Variants in STRA8 observed in about 807,000 individuals in gnomAD.
STRA8 encodes stimulated by retinoic acid gene 8 protein homolog.
A neutral mutation model predicts 37.1 loss-of-function variants in STRA8; 18 were observed. The ratio of observed to expected loss-of-function variants is 0.48; its 90% CI spans 0.34 to 0.72. The LOEUF is 0.72. Among genes scored for constraint, STRA8 ranks in the 30% least tolerant of loss-of-function variants. The pLI, the probability that STRA8 is intolerant of heterozygous loss-of-function variation, is 0.01. For synonymous variants in STRA8, 168 were observed against 162.9 expected, an observed-to-expected ratio of 1.03 and a Z score of -0.24; for missense variants, 357 against 410.4, an observed-to-expected ratio of 0.87 and a Z score of 1.13.
intron 6 of STRA8, among the ~76,000 whole-genome samples, chr7:135,249,914 C>T (rs1350921293): frequency 2.0e-5 from 3 of 152,250 alleles, no homozygotes; most frequent in African/African-American, 7.2e-5. Context: ...AGCAGATTCC[C>T]TCAGCTGTGG....
chr7:135,236,599 A>G (rs571214794), intron 1 of STRA8, among the ~76,000 whole-genome samples: 147 of 152,212 alleles, frequency 9.7e-4, no homozygotes, highest in African/African-American at 3.4e-3. Flanking sequence ...CAGCTTCTTC[A>G]CCCTATATAA....
chr7:135,238,208 G>A (rs953392383), intron 1 of STRA8, among the ~76,000 whole-genome samples: 1 of 152,174 alleles, frequency 6.6e-6, no homozygotes, highest in Non-Finnish European at 1.5e-5. Flanking sequence ...AGGGGGGGCG[G>A]GGGTGTAAAT....
chr7:135,246,710 G>A lies in STRA8; in HGVS notation c.879+8G>A. The A allele has an allele frequency of 6.6e-7, 1 of 1,510,586 alleles. No individual in the cohort carries two copies. The highest frequency in any genetic ancestry group is 1.2e-5 in the South Asian group (1 of 81,256). 93.6% of individuals were successfully genotyped at this position (1,510,586 alleles called of 1,614,324 possible). A position where few individuals can be genotyped will look rare whatever the true frequency, so the allele number is the denominator to read the frequency against. ...GTCTCCACGCCCGAGGAGGTGAGCA[G>A]GCCCACCGGGGTGGCGTGGATGGGG... On this transcript the variant is annotated splice_region_variant and intron_variant, in intron 6 of 8. Coordinates refer to ENST00000662584, the MANE Select transcript of STRA8 (RefSeq NM_001394401.1). This position sits in a 1 kb window ranked among gnomAD's most constrained non-coding sequence, Gnocchi z 5.4.
Position 135,242,785 on chromosome 7 carries a change from A to G in STRA8, c.197A>G (p.Gln66Arg), listed in dbSNP as rs1832486618. The change falls in exon 3 of 9, where the codon CAG becomes CGG. Residue 66 changes from glutamine (Q) to arginine (R), a missense_variant. Physicochemically the swap from Gln to Arg is conservative, Grantham distance 43. Coordinates refer to ENST00000662584, the MANE Select transcript of STRA8 (RefSeq NM_001394401.1). ...SQSDLIASKW[Q>R]VLNKAKSHIP... Reference sequence around the variant, plus strand: ...ATTGTCTCTGTCTATCCTCAGTGGCAGGTTCTGAATAAGGCAAAGAGTCAT... The same window carrying G: ...ATTGTCTCTGTCTATCCTCAGTGGCGGGTTCTGAATAAGGCAAAGAGTCAT... 6.2e-7 allele frequency: 1 copy of G among 1,614,020 alleles called. No homozygotes were observed. The highest frequency in any genetic ancestry group is 1.7e-5 in the Admixed American group (1 of 60,012).
Position 135,243,546 on chromosome 7 carries a change from T to C in STRA8, c.353+136T>C, listed in dbSNP as rs939155729. ...TGCTGCTCACCATTCAAAACAGCCATATGCTGGAGACCATTCGTTTCTCTT... is the reference window on the plus strand; with the variant it reads ...TGCTGCTCACCATTCAAAACAGCCACATGCTGGAGACCATTCGTTTCTCTT... On this transcript the variant is annotated intron_variant, in intron 4 of 8. Coordinates refer to ENST00000662584, the MANE Select transcript of STRA8 (RefSeq NM_001394401.1). The C allele has an allele frequency of 9.2e-6, 6 of 654,162 alleles. No homozygotes were observed. The African/African-American group carries it at 1.1e-4, about 12-fold the overall frequency. The allele number at this position is 654,162 out of a possible 1,614,324, so 40.5% of individuals were successfully genotyped here.
rs542257460 is a variant in STRA8, at chr7:135,250,552, A to G, written c.880-1244A>G. On this transcript the variant is annotated intron_variant, in intron 6 of 8. Coordinates refer to ENST00000662584, the MANE Select transcript of STRA8 (RefSeq NM_001394401.1). ...TCAGTTCCAGGAAGTCAATTGAAGG[A>G]AGACAGAAAGGGCAGACACCAATCC... is the stretch of plus-strand genomic sequence containing the variant. Among the ~76,000 whole-genome samples the G allele has an allele frequency of 3.3e-5, 5 of 152,298 alleles. No homozygotes were observed. The South Asian group carries it at 1.0e-3, about 32-fold the overall frequency.
At chr7:135,235,284 AGT>A (rs1345044209) in intron 1 of STRA8, among the ~76,000 whole-genome samples, 2 of 152,266 alleles carry the variant, frequency 1.3e-5, no homozygotes, top group African/African-American at 4.8e-5. Flanking sequence ...GCACAGAGAG[AGT>A]GTTCAGTAAA....
chr7:135,244,981 C>T (rs1052732052), intron 4 of STRA8, among the ~76,000 whole-genome samples: 6 of 152,140 alleles, frequency 3.9e-5, no homozygotes, highest in Non-Finnish European at 8.8e-5. Context: ...AACAAAGCTC[C>T]TTTTTATTCC....
At chr7:135,235,114 C>A (rs999714454) in intron 1 of STRA8, among the ~76,000 whole-genome samples, 3 of 152,166 alleles carry the variant, frequency 2.0e-5, no homozygotes, top group Non-Finnish European at 2.9e-5. Flanking sequence ...TCAAGTGATC[C>A]TCCTGCCTCA....
chr7:135,236,699 C>T (rs1189695044), intron 1 of STRA8, among the ~76,000 whole-genome samples: 4 of 152,280 alleles, frequency 2.6e-5, no homozygotes, highest in Middle Eastern at 3.4e-3. Context: ...AGAGGTCTTT[C>T]GGGTTAGGGT....
Position 135,256,115 on chromosome 7 carries a change from A to G in STRA8, c.1065+890A>G, listed in dbSNP as rs183594137. ...CAAGGGGACAGGTCCTTTCAAATTC[A>G]TAGCCATGGATTTTTCTTTACTAGT... On this transcript the variant is annotated intron_variant, in intron 8 of 8. Transcript: ENST00000662584. Among the ~76,000 whole-genome samples the G allele has an allele frequency of 3.8e-3, 580 of 152,370 alleles. 7 individuals carry two copies. Among genetic ancestry groups the G allele is most frequent in the Non-Finnish European group, 1.6e-3 (111 of 68,042 alleles).
chr7:135,243,797 T>C (rs1330542081), intron 4 of STRA8, among the ~76,000 whole-genome samples: 1 of 152,242 alleles, frequency 6.6e-6, no homozygotes, highest in Non-Finnish European at 1.5e-5. Context: ...GCTTTTTCTA[T>C]ATGTATTTTT....
intron 2 of STRA8, among the ~76,000 whole-genome samples, chr7:135,241,945 C>A (rs1232441254): frequency 6.6e-6 from 1 of 151,890 alleles, no homozygotes; most frequent in Non-Finnish European, 1.5e-5. Flanking sequence ...TTTGAATAAT[C>A]TTGCTGTTAC....
At chr7:135,235,243 G>C (rs1298352853) in intron 1 of STRA8, among the ~76,000 whole-genome samples, 1 of 152,118 alleles carries the variant, frequency 6.6e-6, no homozygotes, top group Non-Finnish European at 1.5e-5. Flanking sequence ...ATTATTTTGG[G>C]CTCCAGTTTC....
chr7:135,246,736 C>T lies in STRA8; in HGVS notation c.879+34C>T, dbSNP rs1235018559. On this transcript the variant is annotated intron_variant, in intron 6 of 8. Transcript: ENST00000662584. This position sits in a 1 kb window ranked among gnomAD's most constrained non-coding sequence, Gnocchi z 5.4. ...GCCCACCGGGGTGGCGTGGATGGGG[C>T]ACGGGAACCACCCTCGCCCTCGCCT... 2.0e-6 allele frequency: 3 copies of T among 1,488,484 alleles called. No homozygotes were observed. The highest frequency in any genetic ancestry group is 2.7e-6 in the Non-Finnish European group (3 of 1,127,732). 92.2% of individuals were successfully genotyped at this position (1,488,484 alleles called of 1,614,324 possible).
At chr7:135,231,969 C>G, upstream of STRA8, 1 of 1,613,954 alleles carries the variant, frequency 6.2e-7, no homozygotes, top group Non-Finnish European at 8.5e-7. Flanking sequence ...GAGCCTTCTG[C>G]CTTGCAGCTA....
Position 135,246,825 on chromosome 7 carries a change from C to G in STRA8, c.879+123C>G. ...CAGTTTGCCTTCTGGCTCCCAAGGT[C>G]GGTTTCTGATTTTCTTTTTTCTCTT... is the stretch of plus-strand genomic sequence containing the variant. On this transcript the variant is annotated intron_variant, in intron 6 of 8. Transcript: ENST00000662584. The surrounding 1 kb of genome is among the most constrained non-coding windows in gnomAD (Gnocchi z 5.4). The G allele has an allele frequency of 9.8e-7, 1 of 1,021,202 alleles. No individual in the cohort carries two copies. Among genetic ancestry groups the G allele is most frequent in the Non-Finnish European group, 1.4e-6 (1 of 739,120 alleles). The allele number at this position is 1,021,202 out of a possible 1,614,324, so 63.3% of individuals were successfully genotyped here.
chr7:135,253,882 G>A (rs192298729), intron 7 of STRA8, among the ~76,000 whole-genome samples: 7 of 152,318 alleles, frequency 4.6e-5, no homozygotes, highest in African/African-American at 1.7e-4. Context: ...ATATCTCATT[G>A]TCCTCTCAAG....
At chr7:135,250,534 C>T (rs1387105620) in intron 6 of STRA8, among the ~76,000 whole-genome samples, 1 of 152,024 alleles carries the variant, frequency 6.6e-6, no homozygotes, top group East Asian at 1.9e-4. Context: ...GATTCAGTTC[C>T]AGGAAGTCAA....
Sources: allele counts gnomAD v4.1 joint callset (sites outside exome capture counted in the v4.1 genomes callset), GRCh38; gene constraint gnomAD v4.1.1; non-coding constraint Gnocchi (gnomAD v3.1); transcripts MANE v1.5; gene names NCBI Gene and HGNC (gene_info 2026-07-23, HGNC 2026-07-21).